The following CDKL2 variants were observed in gnomAD, a reference collection of about 807,000 sequenced individuals.
CDKL2 encodes cyclin-dependent kinase-like 2.
CDKL2 carries 64 observed loss-of-function variants against 63.9 expected under a neutral mutation model. The observed-to-expected ratio is 1.00, with a 90% CI of 0.82 to 1.23. The LOEUF (loss-of-function observed/expected upper bound fraction) is 1.23. Among genes scored for constraint, CDKL2 ranks in the 50% most tolerant of loss-of-function variants. CDKL2 has a pLI of 0.00. For synonymous variants in CDKL2, 211 were observed against 229.2 expected, an observed-to-expected ratio of 0.92 and a Z score of 0.72; for missense variants, 656 against 668.0, an observed-to-expected ratio of 0.98 and a Z score of 0.20.
At chr4:75,586,137 A>G (rs1728469795) in intron 12 of CDKL2, among the ~76,000 whole-genome samples, 2 of 152,206 alleles carry the variant, frequency 1.3e-5, no homozygotes, top group Non-Finnish European at 1.5e-5. Context: ...GGAAACCTCA[A>G]ATACCTGGCT....
intron 6 of CDKL2, among the ~76,000 whole-genome samples, chr4:75,602,917 A>G (rs1439627558): frequency 6.6e-6 from 1 of 150,382 alleles, no homozygotes; most frequent in East Asian, 2.0e-4. Flanking sequence ...CAGTGTTTTT[A>G]TGTTTTTAAT....
At chr4:75,611,935 T>G (rs1226473561) in intron 3 of CDKL2, among the ~76,000 whole-genome samples, 1 of 151,872 alleles carries the variant, frequency 6.6e-6, no homozygotes, top group Non-Finnish European at 1.5e-5. Context: ...ATTACAGGCG[T>G]GAGCCACTGT....
Position 75,578,145 on chromosome 4 carries a change from T to C in CDKL2, c.*1057A>G, listed in dbSNP as rs1233583197. ...ACCTAAAAAGTTTTGGATCCATGCATTGGAAAAGATGTGTGGAATGCAGGT... is the reference window on the plus strand; with the variant it reads ...ACCTAAAAAGTTTTGGATCCATGCACTGGAAAAGATGTGTGGAATGCAGGT... On this transcript the variant is annotated 3_prime_UTR_variant, in exon 14 of 14. Transcript: ENST00000307465. The C allele has an allele frequency of 2.6e-5, 4 of 152,156 alleles. No homozygotes were observed. Among genetic ancestry groups the C allele is most frequent in the Non-Finnish European group, 4.4e-5 (3 of 68,034 alleles). The allele number at this position is 152,156 out of a possible 1,614,324, so 9.4% of individuals were successfully genotyped here.
intron 2 of CDKL2, among the ~76,000 whole-genome samples, chr4:75,616,372 GAA>G (rs746705350): frequency 6.6e-6 from 1 of 151,434 alleles, no homozygotes; most frequent in Non-Finnish European, 1.5e-5. Context: ...ATAATATAAG[GAA>G]TTCAGGGGCC....
At chr4:75,579,524 A>C (rs1430152609) in intron 13 of CDKL2, among the ~76,000 whole-genome samples, 1 of 152,044 alleles carries the variant, frequency 6.6e-6, no homozygotes, top group African/African-American at 2.4e-5. Context: ...AAATACAAAA[A>C]AATTAGCCCG....
intron 3 of CDKL2, among the ~76,000 whole-genome samples, chr4:75,613,347 T>A (rs527297172): frequency 1.3e-5 from 2 of 152,156 alleles, no homozygotes; most frequent in Non-Finnish European, 2.9e-5. Flanking sequence ...ATAATAATAA[T>A]AACCGAAAAG....
chr4:75,587,369 G>A (rs565981500), intron 12 of CDKL2, among the ~76,000 whole-genome samples: 12 of 152,152 alleles, frequency 7.9e-5, no homozygotes, highest in Middle Eastern at 3.4e-3. Flanking sequence ...CAGGAGAATC[G>A]CTTAATCCCA....
chr4:75,600,377 A>C lies in CDKL2; in HGVS notation c.796-8T>G, dbSNP rs1729129322. 5.7e-6 allele frequency: 9 copies of C among 1,568,810 alleles called. No homozygotes were observed. Among genetic ancestry groups the C allele is most frequent in the East Asian group, 2.2e-5 (1 of 44,612 alleles). On this transcript the variant is annotated splice_region_variant and splice_polypyrimidine_tract_variant and intron_variant, in intron 6 of 13. Transcript: ENST00000307465. The stretch of plus-strand genomic sequence containing the variant: ...GTCAATATGTAAGCATTTCTGAAAA[A>C]TTAAGAACACTTAGAGTTCATATCA...
chr4:75,591,985 T>G, intron 11 of CDKL2, 60 bp from the exon 12 acceptor site: 4 of 1,412,652 alleles, frequency 2.8e-6, no homozygotes, highest in Non-Finnish European at 3.8e-6. Context: ...GTTTTTAGTT[T>G]TTCACATTCT....
chr4:75,604,280 A>G (rs1256335742), intron 5 of CDKL2, among the ~76,000 whole-genome samples: 1 of 152,250 alleles, frequency 6.6e-6, no homozygotes, highest in Non-Finnish European at 1.5e-5. Flanking sequence ...AATCTAGATA[A>G]ATCAGTTCTC....
intron 12 of CDKL2, among the ~76,000 whole-genome samples, chr4:75,591,227 T>TA (rs895654160): frequency 1.5e-4 from 23 of 151,874 alleles, no homozygotes; most frequent in Admixed American, 8.5e-4. Context: ...CTACGAAATA[T>TA]AAAAAAAACC....
chr4:75,623,471 AAAGTCAT>A (rs138840880), intron 2 of CDKL2, among the ~76,000 whole-genome samples: 1,787 of 152,366 alleles, frequency 0.012, 37 homozygotes, highest in African/African-American at 0.041. Context: ...CCATAAGGGA[AAAGTCAT>A]AAGATTTGAC....
chr4:75,626,220 G>T (rs79430767), intron 1 of CDKL2, among the ~76,000 whole-genome samples: 1 of 152,164 alleles, frequency 6.6e-6, no homozygotes, highest in Non-Finnish European at 1.5e-5. Context: ...TTTTCAAAAT[G>T]GTCACACACA....
chr4:75,603,031 C>T (rs1390510682), intron 6 of CDKL2, among the ~76,000 whole-genome samples: 2 of 118,586 alleles, frequency 1.7e-5, no homozygotes, highest in Non-Finnish European at 3.2e-5. Context: ...CTCGCTCTGT[C>T]GCCCAGGCCG....
chr4:75,600,421 T>C lies in CDKL2; in HGVS notation c.796-52A>G, dbSNP rs759893853. The C allele has an allele frequency of 2.2e-5, 24 of 1,112,714 alleles. No individual in the cohort carries two copies. In the Admixed American group the frequency reaches 2.9e-4, roughly 13 times the overall value. 68.9% of individuals were successfully genotyped at this position (1,112,714 alleles called of 1,614,324 possible). A position where few individuals can be genotyped will look rare whatever the true frequency, so the allele number is the denominator to read the frequency against. ...CATATCAAGAAAAACTACCTACATT[T>C]AAATTTATAAATATAGAAAAAAAAT... On this transcript the variant is annotated intron_variant, in intron 6 of 13. Coordinates refer to ENST00000307465, the MANE Select transcript of CDKL2 (RefSeq NM_001330724.2).
chr4:75,608,293 T>G (rs1008004653), intron 3 of CDKL2, among the ~76,000 whole-genome samples: 6 of 151,258 alleles, frequency 4.0e-5, no homozygotes, highest in Non-Finnish European at 8.8e-5. Context: ...CCCAACTAAT[T>G]TTTGTACTTT....
chr4:75,581,192 T>C (rs955230538), intron 13 of CDKL2, among the ~76,000 whole-genome samples: 4 of 152,206 alleles, frequency 2.6e-5, no homozygotes, highest in African/African-American at 9.7e-5. Context: ...TCTTATTGCC[T>C]AGTGACATTG....
At chr4:75,628,769 G>T (rs1178456786) in intron 1 of CDKL2, among the ~76,000 whole-genome samples, 4 of 151,990 alleles carry the variant, frequency 2.6e-5, no homozygotes, top group African/African-American at 9.7e-5. Flanking sequence ...TATTCTCTTT[G>T]TTCTAGCAAA....
chr4:75,606,794 T>C (rs2148890602), intron 4 of CDKL2, among the ~76,000 whole-genome samples: 1 of 152,356 alleles, frequency 6.6e-6, no homozygotes, highest in South Asian at 2.1e-4. Context: ...CTTTGAAGAA[T>C]TCCCTTGTGA....
Sources: gnomAD v4.1 joint callset for allele counts (sites outside exome capture counted in the v4.1 genomes callset) on GRCh38, gnomAD v4.1.1 for gene constraint, MANE v1.5 for transcripts, NCBI Gene and HGNC (gene_info 2026-07-23, HGNC 2026-07-21) for gene names.